The following MAGI2 variants were observed in gnomAD, a reference collection of about 807,000 sequenced individuals.
MAGI2 encodes the protein membrane associated guanylate kinase, WW and PDZ domain containing 2.
In MAGI2, 35 loss-of-function variants were observed where a neutral mutation model predicts 133.3. That is an observed-to-expected ratio of 0.26 (90% CI 0.20 to 0.35). MAGI2 has a LOEUF of 0.35. MAGI2 is among the 10% of genes least tolerant of loss of function. The pLI, the probability that MAGI2 is intolerant of heterozygous loss-of-function variation, is 1.00. For synonymous variants in MAGI2, 729 were observed against 710.6 expected, an observed-to-expected ratio of 1.03 and a Z score of -0.41; for missense variants, 1,636 against 1,863.4, an observed-to-expected ratio of 0.88 and a Z score of 2.25.
intron 2 of MAGI2, among the ~76,000 whole-genome samples, chr7:78,828,364 G>A (rs1223677601): frequency 6.6e-6 from 1 of 152,160 alleles, no homozygotes; most frequent in Non-Finnish European, 1.5e-5. Context: ...TGGATCTGAT[G>A]TGATGAAAAT....
intron 3 of MAGI2, among the ~76,000 whole-genome samples, chr7:78,535,185 T>C (rs986715188): frequency 6.6e-6 from 1 of 151,544 alleles, no homozygotes; most frequent in African/African-American, 2.4e-5. Context: ...GCTCAAGAGG[T>C]ACAGAGAGGA....
chr7:79,182,870 T>C (rs1826741622), intron 1 of MAGI2, among the ~76,000 whole-genome samples: 1 of 151,908 alleles, frequency 6.6e-6, no homozygotes, highest in South Asian at 2.1e-4. Flanking sequence ...TATTTGGCCA[T>C]AAAATGAATG....
intron 4 of MAGI2, among the ~76,000 whole-genome samples, chr7:78,505,325 T>C (rs1794988501): frequency 6.6e-6 from 1 of 152,142 alleles, no homozygotes; most frequent in Admixed American, 6.6e-5. Context: ...CTTTACAAGT[T>C]GTCACTGTAT....
At chr7:78,236,326 T>A (rs1790536054) in intron 10 of MAGI2, among the ~76,000 whole-genome samples, 1 of 152,126 alleles carries the variant, frequency 6.6e-6, no homozygotes, top group South Asian at 2.1e-4. Flanking sequence ...CAGAAGACAG[T>A]CAGTAGAAAA....
At chr7:78,825,538 G>A (rs917262779) in intron 2 of MAGI2, among the ~76,000 whole-genome samples, 1 of 151,972 alleles carries the variant, frequency 6.6e-6, no homozygotes, top group African/African-American at 2.4e-5. Context: ...TATTTAATGG[G>A]CACTTTATTA....
intron 2 of MAGI2, among the ~76,000 whole-genome samples, chr7:78,671,973 C>G (rs1161099555): frequency 6.6e-6 from 1 of 152,146 alleles, no homozygotes; most frequent in African/African-American, 2.4e-5. Context: ...ATTCATAATT[C>G]TAATTGTTTT....
chr7:78,546,264 C>T (rs1427163036), intron 3 of MAGI2, among the ~76,000 whole-genome samples: 2 of 152,110 alleles, frequency 1.3e-5, no homozygotes, highest in African/African-American at 4.8e-5. Context: ...ATTTGTACTG[C>T]TACTACTTCT....
chr7:79,104,807 T>C (rs928088307), intron 1 of MAGI2, among the ~76,000 whole-genome samples: 1 of 152,182 alleles, frequency 6.6e-6, no homozygotes, highest in Admixed American at 6.5e-5. Flanking sequence ...GTGAGGTTCA[T>C]TGCAATCTCA....
intron 7 of MAGI2, among the ~76,000 whole-genome samples, chr7:78,362,404 G>A (rs538048879): frequency 6.6e-6 from 1 of 152,316 alleles, no homozygotes; most frequent in East Asian, 1.9e-4. Context: ...GCCAGTTGAA[G>A]TTTTCATGAG....
intron 21 of MAGI2, among the ~76,000 whole-genome samples, chr7:78,061,435 C>G (rs1379635830): frequency 6.6e-6 from 1 of 151,364 alleles, no homozygotes; most frequent in African/African-American, 2.4e-5. Context: ...CACACACACA[C>G]ACACACACAC....
intron 1 of MAGI2, among the ~76,000 whole-genome samples, chr7:79,112,306 T>C (rs1266022205): frequency 6.6e-6 from 1 of 152,110 alleles, no homozygotes; most frequent in Non-Finnish European, 1.5e-5. Context: ...AATATATATA[T>C]TCAACCAAGT....
intron 1 of MAGI2, among the ~76,000 whole-genome samples, chr7:79,017,561 C>T (rs976585810): frequency 3.3e-5 from 5 of 152,146 alleles, no homozygotes; most frequent in African/African-American, 1.2e-4. Flanking sequence ...CACTAGTTCC[C>T]CAGCAACAGT....
intron 2 of MAGI2, among the ~76,000 whole-genome samples, chr7:78,999,306 T>G (rs1156592005): frequency 6.6e-6 from 1 of 151,932 alleles, no homozygotes; most frequent in Non-Finnish European, 1.5e-5. Flanking sequence ...CTTATTCCTT[T>G]TTTTTTTTCG....
chr7:78,706,344 C>T (rs1174918059), intron 2 of MAGI2, among the ~76,000 whole-genome samples: 1 of 151,726 alleles, frequency 6.6e-6, no homozygotes, highest in Non-Finnish European at 1.5e-5. Context: ...TTGCCACCAT[C>T]ATATAAGAAG....
intron 2 of MAGI2, among the ~76,000 whole-genome samples, chr7:78,629,520 G>A (rs1808740172): frequency 6.6e-6 from 1 of 151,998 alleles, no homozygotes; most frequent in Non-Finnish European, 1.5e-5. Context: ...GAAAAAACCA[G>A]AATCTCTTCC....
chr7:78,933,641 A>C (rs1800301820), intron 2 of MAGI2, among the ~76,000 whole-genome samples: 2 of 152,176 alleles, frequency 1.3e-5, no homozygotes, highest in South Asian at 4.1e-4. Flanking sequence ...TTCTAAATCA[A>C]GGTGATCATG....
At chr7:78,947,947 T>C (rs561750699) in intron 2 of MAGI2, among the ~76,000 whole-genome samples, 3 of 152,236 alleles carry the variant, frequency 2.0e-5, no homozygotes, top group African/African-American at 7.2e-5. Context: ...TCCTTAGATC[T>C]TTTCTGAATA....
At chr7:79,224,852 T>C (rs1251583241) in intron 1 of MAGI2, among the ~76,000 whole-genome samples, 1 of 152,168 alleles carries the variant, frequency 6.6e-6, no homozygotes, top group Non-Finnish European at 1.5e-5. Context: ...ATAAGGCAGC[T>C]TTAGGGGGTG....
intron 2 of MAGI2, among the ~76,000 whole-genome samples, chr7:78,860,970 C>T (rs906103649): frequency 2.0e-5 from 3 of 152,194 alleles, no homozygotes; most frequent in Non-Finnish European, 4.4e-5. Context: ...AGCCTCGCTG[C>T]CAAGTTGCAG....
Sources: gnomAD v4.1 joint callset for allele counts (sites outside exome capture counted in the v4.1 genomes callset) on GRCh38, gnomAD v4.1.1 for gene constraint, MANE v1.5 for transcripts, NCBI Gene and HGNC (gene_info 2026-07-23, HGNC 2026-07-21) for gene names.